Variants in SWT1 observed in about 807,000 individuals in gnomAD.
The protein encoded by SWT1 is SWT1 RNA endoribonuclease homolog.
SWT1 carries 33 observed loss-of-function variants against 107.3 expected under a neutral mutation model. That is an observed-to-expected ratio of 0.31 (90% CI 0.23 to 0.41). The LOEUF is 0.41. Ranked by LOEUF, SWT1 falls within the 10% of genes least tolerant of loss-of-function variation. SWT1 has a pLI of 1.00. For synonymous variants in SWT1, 345 were observed against 348.3 expected (o/e 0.99, Z 0.11); for missense variants, 898 against 1,028.9 (o/e 0.87, Z 1.74).
At chr1:185,167,753 A>G (rs2102316084) in intron 3 of SWT1, among the ~76,000 whole-genome samples, 1 of 152,120 alleles carries the variant, frequency 6.6e-6, no homozygotes, top group East Asian at 1.9e-4. Context: ...TGCTGAATTT[A>G]TACCAGTTAT....
intron 4 of SWT1, among the ~76,000 whole-genome samples, chr1:185,169,372 A>G (rs1487189297): frequency 6.6e-6 from 1 of 150,652 alleles, no homozygotes; most frequent in Non-Finnish European, 1.5e-5. Context: ...TTGGCCCTTG[A>G]TATTATATCA....
intron 15 of SWT1, chr1:185,227,597 C>T (rs1264459003): frequency 1.2e-5 from 6 of 508,792 alleles, no homozygotes; most frequent in South Asian, 4.9e-5. Flanking sequence ...TATCACCAAG[C>T]GTTTCCAAGT....
rs1337064148 is a variant in SWT1, at chr1:185,175,093, T to A, written c.946T>A (p.Ser316Thr). ...YDHQESNDSH[S>T]RENLTQSFEA... is the part of the protein sequence containing the mutation. ...CCATCAAGAAAGTAATGATTCACATTCTAGGGAAAACCTAACCCAGGTAAG... is the reference window on the plus strand; with the variant it reads ...CCATCAAGAAAGTAATGATTCACATACTAGGGAAAACCTAACCCAGGTAAG... The change falls in exon 5 of 19, where the codon TCT (serine) becomes ACT (threonine). Residue 316 changes from serine to threonine, a missense_variant. This residue lies in a region of SWT1 where 382 missense variants were observed against 362.4 expected (regional missense o/e 1.05). Transcript: ENST00000367500. 1.3e-6 allele frequency: 2 copies of A among 1,558,964 alleles called. No homozygotes were observed. Among genetic ancestry groups the A allele is most frequent in the African/African-American group, 2.8e-5 (2 of 72,590 alleles).
chr1:185,276,044 C>A (rs958054192), intron 17 of SWT1, among the ~76,000 whole-genome samples: 17 of 152,076 alleles, frequency 1.1e-4, no homozygotes, highest in African/African-American at 3.9e-4. Context: ...TTTTCAGATT[C>A]TTCCCTGCAT....
intron 16 of SWT1, among the ~76,000 whole-genome samples, chr1:185,258,716 T>C (rs1163509357): frequency 3.3e-5 from 5 of 152,264 alleles, no homozygotes; most frequent in African/African-American, 7.2e-5. Context: ...GCCTTTTTTT[T>C]CTCCTGAATG....
intron 16 of SWT1, among the ~76,000 whole-genome samples, chr1:185,254,251 GT>G (rs1261416959): frequency 4.8e-5 from 6 of 124,982 alleles, no homozygotes; most frequent in African/African-American, 1.7e-4. Context: ...TTTTTTTGTT[GT>G]GTCTCTGCCT....
At chr1:185,240,795 G>T (rs891224753) in intron 16 of SWT1, among the ~76,000 whole-genome samples, 5 of 151,968 alleles carry the variant, frequency 3.3e-5, no homozygotes, top group African/African-American at 1.2e-4. Context: ...GAAGTTTGGG[G>T]TTTTTTGGGT....
At chr1:185,273,152 C>T (rs1457398988) in intron 17 of SWT1, among the ~76,000 whole-genome samples, 4 of 152,160 alleles carry the variant, frequency 2.6e-5, no homozygotes, top group African/African-American at 9.7e-5. Context: ...CAGCTATAAT[C>T]TCAGCACTTT....
Position 185,231,615 on chromosome 1 carries a change from T to A in SWT1, c.2348T>A (p.Leu783Gln). The change falls in exon 16 of 19, where the codon CTG becomes CAG. Residue 783 changes from leucine (L) to glutamine (Q), a missense_variant. Leu to Gln is a moderately radical substitution (Grantham distance 113). Coordinates refer to ENST00000367500, the MANE Select transcript of SWT1 (RefSeq NM_017673.7). The stretch of plus-strand genomic sequence containing the variant: ...CAAAGATTGGGCTCAAATTCAGCTC[T>A]GACTACTTCAAATATAGCATCATTT... ...VFQRLGSNSA[L>Q]TTSNIASFEE... The A allele has an allele frequency of 6.2e-7, 1 of 1,610,990 alleles. No homozygotes were observed. The highest frequency in any genetic ancestry group is 8.5e-7 in the Non-Finnish European group (1 of 1,177,594).
chr1:185,210,159 C>T (rs1249591637), intron 13 of SWT1, among the ~76,000 whole-genome samples: 1 of 152,130 alleles, frequency 6.6e-6, no homozygotes, highest in Non-Finnish European at 1.5e-5. Context: ...AATTTTCTCC[C>T]ATTCTGTAGG....
chr1:185,282,805 A>G (rs1325354112), intron 18 of SWT1, among the ~76,000 whole-genome samples: 3 of 152,086 alleles, frequency 2.0e-5, no homozygotes, highest in African/African-American at 7.2e-5. Context: ...TGCTGTGTGG[A>G]GAAAACCCCA....
intron 1 of SWT1, 102 bp from the exon 2 acceptor site, chr1:185,160,731 T>A: frequency 1.3e-6 from 1 of 787,054 alleles, no homozygotes; most frequent in Non-Finnish European, 2.0e-6. Context: ...TAAAAAGTGA[T>A]CATATTGTAA....
At chr1:185,282,223 T>G (rs1261961298) in intron 18 of SWT1, among the ~76,000 whole-genome samples, 1 of 152,240 alleles carries the variant, frequency 6.6e-6, no homozygotes, top group African/African-American at 2.4e-5. Flanking sequence ...ACCCATTCTC[T>G]GCCTTTTAAC....
chr1:185,258,607 T>A (rs1410202412), intron 16 of SWT1, among the ~76,000 whole-genome samples: 1 of 152,174 alleles, frequency 6.6e-6, no homozygotes, highest in African/African-American at 2.4e-5. Context: ...GATTGACTAT[T>A]ATTTTCCCTA....
At chr1:185,185,629 G>A (rs192414696) in intron 9 of SWT1, among the ~76,000 whole-genome samples, 4 of 151,914 alleles carry the variant, frequency 2.6e-5, no homozygotes, top group African/African-American at 7.2e-5. Flanking sequence ...TAAATACCAC[G>A]GATTTGTACT....
intron 17 of SWT1, among the ~76,000 whole-genome samples, chr1:185,272,594 G>A (rs1663949487): frequency 6.6e-6 from 1 of 152,134 alleles, no homozygotes; most frequent in African/African-American, 2.4e-5. Context: ...CTTATTAACT[G>A]TGTGATCTAG....
intron 10 of SWT1, among the ~76,000 whole-genome samples, chr1:185,195,605 C>T (rs554708720): frequency 5.9e-5 from 9 of 152,272 alleles, no homozygotes; most frequent in Non-Finnish European, 1.2e-4. Flanking sequence ...CTAATTTACA[C>T]TCCCACCAAC....
At chr1:185,243,618 C>A (rs1254322835) in intron 16 of SWT1, among the ~76,000 whole-genome samples, 1 of 152,054 alleles carries the variant, frequency 6.6e-6, no homozygotes, top group Non-Finnish European at 1.5e-5. Context: ...ATATCAGAAA[C>A]CTCTGGAATT....
intron 5 of SWT1, among the ~76,000 whole-genome samples, chr1:185,177,317 C>G (rs1012401457): frequency 2.0e-5 from 3 of 152,212 alleles, no homozygotes; most frequent in African/African-American, 7.2e-5. Context: ...TAAGGAATAG[C>G]ATGAGAAATC....
Sources: allele counts gnomAD v4.1 joint callset (sites outside exome capture counted in the v4.1 genomes callset), GRCh38; gene constraint gnomAD v4.1.1; regional missense constraint gnomAD v4.1.1; transcripts MANE v1.5; gene names NCBI Gene and HGNC (gene_info 2026-07-23, HGNC 2026-07-21).